Variants in FCHSD2 observed in about 807,000 individuals in gnomAD.
FCHSD2 encodes the protein FCH and double SH3 domains 2.
In FCHSD2, 38 loss-of-function variants were observed where a neutral mutation model predicts 108.1. That is an observed-to-expected ratio of 0.35 (90% CI 0.27 to 0.46). The LOEUF (loss-of-function observed/expected upper bound fraction) is 0.46. Among genes scored for constraint, FCHSD2 ranks in the 20% least tolerant of loss-of-function variants. The pLI is 1.00. For synonymous variants in FCHSD2, 279 were observed against 314.7 expected (o/e 0.89, Z 1.20); for missense variants, 751 against 897.8 (o/e 0.84, Z 2.09).
chr11:72,923,935 G>C (rs1856024519), intron 8 of FCHSD2, among the ~76,000 whole-genome samples: 1 of 152,022 alleles, frequency 6.6e-6, no homozygotes, highest in Non-Finnish European at 1.5e-5. Flanking sequence ...GCAAGACTCA[G>C]TCTCAGAAAA....
At chr11:72,992,073 C>T (rs936363875) in intron 5 of FCHSD2, among the ~76,000 whole-genome samples, 10 of 152,194 alleles carry the variant, frequency 6.6e-5, no homozygotes, top group Admixed American at 6.5e-4. Flanking sequence ...TCTCAGGATA[C>T]AAAATCAATG....
At chr11:72,917,892 T>G (rs1182668499) in intron 9 of FCHSD2, among the ~76,000 whole-genome samples, 1 of 136,864 alleles carries the variant, frequency 7.3e-6, no homozygotes, top group Non-Finnish European at 1.6e-5. Flanking sequence ...TGTCTCAAAT[T>G]AAAAAAAAAA....
chr11:72,959,219 T>TC (rs1856775082), intron 8 of FCHSD2, among the ~76,000 whole-genome samples: 1 of 106,486 alleles, frequency 9.4e-6, no homozygotes, highest in Admixed American at 1.1e-4. Context: ...TATCCAGCAG[T>TC]CTTTTTTTTT....
chr11:72,846,049 TAAA>T (rs1861126393), intron 14 of FCHSD2, among the ~76,000 whole-genome samples: 1 of 118,566 alleles, frequency 8.4e-6, no homozygotes, highest in African/African-American at 3.6e-5. Flanking sequence ...GGATTACAAA[TAAA>T]TAGATAGATA....
intron 10 of FCHSD2, chr11:72,900,436 A>G (rs1855504103): frequency 2.7e-6 from 2 of 727,906 alleles, no homozygotes; most frequent in Non-Finnish European, 2.4e-6. Flanking sequence ...TTTAGAAACA[A>G]AAGATTTAGG....
chr11:72,841,079 G>A, intron 18 of FCHSD2, 120 bp from the exon 19 acceptor site: 3 of 734,432 alleles, frequency 4.1e-6, no homozygotes, highest in Admixed American at 2.1e-5. Context: ...GAGGCGGGAG[G>A]ATTACTTGAG....
chr11:72,859,158 G>A (rs1861507787), intron 13 of FCHSD2, among the ~76,000 whole-genome samples: 1 of 152,188 alleles, frequency 6.6e-6, no homozygotes, highest in Non-Finnish European at 1.5e-5. Context: ...CATGGTGCCA[G>A]TTACCCAGTC....
In FCHSD2 at chr11:73,142,059, G is replaced by A. The variant is rs564546925; in HGVS notation, c.-182C>T. On this transcript the variant is annotated 5_prime_UTR_variant, in exon 1 of 20. Coordinates refer to ENST00000409418, the MANE Select transcript of FCHSD2 (RefSeq NM_014824.3). ...GCGGCAGGCGGACCCCAGCCAGAGA[G>A]CGAGTGTGAGGAGACGAGGGAGGAG... is the stretch of plus-strand genomic sequence containing the variant. 2.4e-4 allele frequency: 143 copies of A among 588,752 alleles called. 1 individual carries two copies. In the East Asian group the frequency reaches 4.0e-3, roughly 17 times the overall value. The allele number at this position is 588,752 out of a possible 1,614,324, so 36.5% of individuals were successfully genotyped here. A position where few individuals can be genotyped will look rare whatever the true frequency, so the allele number is the denominator to read the frequency against.
chr11:72,933,581 A>C (rs909838563), intron 8 of FCHSD2, among the ~76,000 whole-genome samples: 1 of 152,190 alleles, frequency 6.6e-6, no homozygotes. Context: ...ATGATACCCA[A>C]CTTATATTAG....
chr11:73,066,557 A>C (rs191500976), intron 3 of FCHSD2, among the ~76,000 whole-genome samples: 7 of 152,346 alleles, frequency 4.6e-5, no homozygotes, highest in African/African-American at 1.7e-4. Context: ...GTGAACAGGC[A>C]ACCTACAGAA....
At chr11:72,913,761 C>T (rs532544135) in intron 9 of FCHSD2, among the ~76,000 whole-genome samples, 4 of 148,058 alleles carry the variant, frequency 2.7e-5, no homozygotes, top group South Asian at 4.3e-4. Context: ...ACAGTCAAGC[C>T]GAGAGCCAAA....
At chr11:72,899,770 T>G (rs935330324) in intron 10 of FCHSD2, among the ~76,000 whole-genome samples, 8 of 136,818 alleles carry the variant, frequency 5.8e-5, no homozygotes, top group African/African-American at 2.1e-4. Flanking sequence ...ACTTTTTAAA[T>G]GATTGAAGGT....
rs564420075 is a variant in FCHSD2 at position 72,916,025 on chromosome 11, A to G, written c.828+5803T>C. The stretch of plus-strand genomic sequence containing the variant: ...AGTGGGAGCTAAATTATGAGAACAC[A>G]TGGGAACAACGCACACTAGGGCCTA... On this transcript the variant is annotated intron_variant, in intron 9 of 19. Transcript: ENST00000409418. Among the ~76,000 whole-genome samples the G allele has an allele frequency of 3.2e-4, 49 of 152,232 alleles. 1 individual carries two copies. Among genetic ancestry groups the G allele is most frequent in the African/African-American group, 1.1e-3 (45 of 41,558 alleles).
chr11:72,890,350 G>A (rs1855288332), intron 10 of FCHSD2, among the ~76,000 whole-genome samples: 1 of 151,508 alleles, frequency 6.6e-6, no homozygotes, highest in Non-Finnish European at 1.5e-5. Flanking sequence ...TTAAATGTGA[G>A]TAAAGAATCA....
chr11:72,917,697 C>T (rs565023936), intron 9 of FCHSD2, among the ~76,000 whole-genome samples: 2 of 152,268 alleles, frequency 1.3e-5, no homozygotes, highest in African/African-American at 2.4e-5. Flanking sequence ...ACTAGCCTGG[C>T]TAACATGACG....
chr11:72,870,374 T>C (rs1854827381), intron 12 of FCHSD2, among the ~76,000 whole-genome samples: 1 of 152,188 alleles, frequency 6.6e-6, no homozygotes, highest in African/African-American at 2.4e-5. Context: ...TCTCCTGTTA[T>C]GTGTTCAGTA....
chr11:73,134,262 G>A (rs1861070988), intron 2 of FCHSD2, among the ~76,000 whole-genome samples: 1 of 152,060 alleles, frequency 6.6e-6, no homozygotes, highest in South Asian at 2.1e-4. Context: ...CTTGAGCCCA[G>A]GAGTTCGAGA....
chr11:73,084,350 A>C (rs1367958424), intron 2 of FCHSD2, among the ~76,000 whole-genome samples: 1 of 152,156 alleles, frequency 6.6e-6, no homozygotes, highest in Non-Finnish European at 1.5e-5. Context: ...CTTTCCATAC[A>C]TGTATTATAT....
chr11:72,973,568 C>T (rs969361461), intron 8 of FCHSD2, among the ~76,000 whole-genome samples: 1 of 152,196 alleles, frequency 6.6e-6, no homozygotes, highest in Non-Finnish European at 1.5e-5. Context: ...ACAACACTAT[C>T]TATTGTCAGA....
Sources: gnomAD v4.1 joint callset for allele counts (sites outside exome capture counted in the v4.1 genomes callset) on GRCh38, gnomAD v4.1.1 for gene constraint, MANE v1.5 for transcripts, NCBI Gene and HGNC (gene_info 2026-07-23, HGNC 2026-07-21) for gene names.